The following CHID1 variants were observed in gnomAD, a reference collection of about 807,000 sequenced individuals.
The protein encoded by CHID1 is chitinase domain containing 1.
Under a neutral mutation model 55.4 loss-of-function variants are expected in CHID1, and 44 were observed. The ratio of observed to expected loss-of-function variants is 0.79; its 90% CI spans 0.62 to 1.02. The LOEUF is 1.02. Among genes scored for constraint, CHID1 ranks in the 50% least tolerant of loss-of-function variants. CHID1 has a pLI of 0.00. For missense variants in CHID1, 491 were observed against 515.3 expected (o/e 0.95, Z 0.46); for synonymous variants, 216 against 212.9 (o/e 1.01, Z -0.13).
chr11:902,027 T>G, intron 4 of CHID1, 171 bp downstream of exon 4: 1 of 626,310 alleles, frequency 1.6e-6, no homozygotes, highest in Non-Finnish European at 2.6e-6. Context: ...ACATCATCAG[T>G]CTCACACTTA....
At chr11:870,721 CG>C (rs1849120825) in intron 10 of CHID1, 4 of 525,832 alleles carry the variant, frequency 7.6e-6, no homozygotes, top group Non-Finnish European at 1.4e-5. Context: ...GGAGCTTCCT[CG>C]GAAGAAGCCA....
intron 3 of CHID1, among the ~76,000 whole-genome samples, chr11:902,579 G>C (rs1332996404): frequency 6.6e-6 from 1 of 152,162 alleles, no homozygotes; most frequent in African/African-American, 2.4e-5. Context: ...GCCCCACCTG[G>C]AGCTAGTGCA....
intron 8 of CHID1, among the ~76,000 whole-genome samples, chr11:887,726 C>T (rs1207001676): frequency 2.6e-5 from 4 of 152,228 alleles, no homozygotes; most frequent in South Asian, 2.1e-4. Flanking sequence ...CCGCTTCACA[C>T]GCTGCTATCA....
At chr11:878,870 G>A (rs1405059152) in intron 10 of CHID1, among the ~76,000 whole-genome samples, 1 of 149,184 alleles carries the variant, frequency 6.7e-6, no homozygotes, top group South Asian at 2.1e-4. Context: ...TTTTTGAGAC[G>A]GAGTCTCACT....
At chr11:871,191 C>T (rs1329190131) in intron 10 of CHID1, among the ~76,000 whole-genome samples, 1 of 152,096 alleles carries the variant, frequency 6.6e-6, no homozygotes, top group Non-Finnish European at 1.5e-5. Flanking sequence ...TGCGGTTTCA[C>T]CGTATTGGCC....
chr11:877,552 A>C (rs1033034215), intron 10 of CHID1, among the ~76,000 whole-genome samples: 6 of 152,206 alleles, frequency 3.9e-5, no homozygotes, highest in East Asian at 1.9e-4. Flanking sequence ...AGCCACACTG[A>C]TGCCTTGTGT....
At chr11:880,781 A>C (rs1849858934) in intron 10 of CHID1, among the ~76,000 whole-genome samples, 1 of 152,228 alleles carries the variant, frequency 6.6e-6, no homozygotes, top group East Asian at 1.9e-4. Flanking sequence ...AAACTCGTAA[A>C]GACGACAGCC....
rs961944792 is a variant in CHID1, at chr11:875,307, T to A, written c.960-4808A>T. Among the ~76,000 whole-genome samples the A allele has an allele frequency of 6.6e-6, 1 of 152,174 alleles. No homozygotes were observed. On this transcript the variant is annotated intron_variant, in intron 10 of 12. Coordinates refer to ENST00000323578, the MANE Select transcript of CHID1 (RefSeq NM_023947.4). The surrounding 1 kb of genome is among the most constrained non-coding windows in gnomAD (Gnocchi z 4.7). ...GCCATCCTTCTTCGGGGCTGTCCTG[T>A]CTGAAATGTGGGATCCAGCCATGTC...
At chr11:913,929 G>A (rs552344890), upstream of CHID1, among the ~76,000 whole-genome samples, 11 of 151,856 alleles carry the variant, frequency 7.2e-5, no homozygotes, top group Non-Finnish European at 1.2e-4. Flanking sequence ...TTAATCGGAC[G>A]TGGTGGTGTG....
intron 5 of CHID1, 58 bp downstream of exon 5, chr11:900,878 C>T: frequency 6.8e-7 from 1 of 1,477,082 alleles, no homozygotes; most frequent in Non-Finnish European, 9.3e-7. Flanking sequence ...CAGTGCCCAC[C>T]TGTCCACCCC....
chr11:895,489 G>C (rs1028887859), intron 7 of CHID1, among the ~76,000 whole-genome samples: 2 of 152,156 alleles, frequency 1.3e-5, no homozygotes, highest in African/African-American at 4.8e-5. Flanking sequence ...ATTGCCCGGA[G>C]CGCTCCTCAC....
At chr11:894,209 C>T (rs1310838129) in intron 7 of CHID1, among the ~76,000 whole-genome samples, 1 of 151,834 alleles carries the variant, frequency 6.6e-6, no homozygotes, top group African/African-American at 2.4e-5. Context: ...CGAGGGTGGC[C>T]GCAGGGCACT....
At chr11:896,695 T>C (rs1476117512) in intron 7 of CHID1, among the ~76,000 whole-genome samples, 1 of 117,228 alleles carries the variant, frequency 8.5e-6, no homozygotes, top group African/African-American at 3.9e-5. Context: ...GACATGAGGC[T>C]GTCTCAGCAC....
At chr11:894,050 A>C (rs1851061876) in intron 7 of CHID1, among the ~76,000 whole-genome samples, 1 of 138,304 alleles carries the variant, frequency 7.2e-6, no homozygotes, top group Admixed American at 7.7e-5. Flanking sequence ...TGAACCCAGG[A>C]GGTGGAGGTT....
At chr11:895,070 C>G (rs537801413) in intron 7 of CHID1, among the ~76,000 whole-genome samples, 1 of 152,154 alleles carries the variant, frequency 6.6e-6, no homozygotes, top group Non-Finnish European at 1.5e-5. Context: ...ACACACTGTG[C>G]GCCACTTAGA....
At chr11:904,668 G>A (rs370963274) in intron 2 of CHID1, 38 bp downstream of exon 2, 2 of 1,611,028 alleles carry the variant, frequency 1.2e-6, no homozygotes, top group African/African-American at 2.7e-5. Flanking sequence ...TCAGCCCTCA[G>A]CCAGTACAGT....
chr11:914,444 C>T (rs575093428), upstream of CHID1: 112 of 1,053,664 alleles, frequency 1.1e-4, 1 homozygote, highest in African/African-American at 1.3e-3. Flanking sequence ...AGGGGCAGGC[C>T]GGTGGGGTGA....
At chr11:892,874 T>C (rs1850947576) in intron 8 of CHID1, among the ~76,000 whole-genome samples, 1 of 152,238 alleles carries the variant, frequency 6.6e-6, no homozygotes, top group Non-Finnish European at 1.5e-5. Context: ...CGGCCTGTGC[T>C]GGCACAGGCA....
intron 8 of CHID1, among the ~76,000 whole-genome samples, chr11:887,096 C>T (rs1850461260): frequency 6.6e-6 from 1 of 152,080 alleles, no homozygotes; most frequent in African/African-American, 2.4e-5. Context: ...TGCAGTGGCA[C>T]AATCTCGGCT....
Sources: gnomAD v4.1 joint callset for allele counts (sites outside exome capture counted in the v4.1 genomes callset) on GRCh38, gnomAD v4.1.1 for gene constraint, Gnocchi (gnomAD v3.1) non-coding constraint, MANE v1.5 for transcripts, NCBI Gene and HGNC (gene_info 2026-07-23, HGNC 2026-07-21) for gene names.